The following POLR3B variants were observed in gnomAD, a reference collection of about 807,000 sequenced individuals.
POLR3B encodes RNA polymerase III subunit B, also known as DNA-directed RNA polymerase III subunit RPC2.
POLR3B carries 96 observed loss-of-function variants against 147.4 expected under a neutral mutation model. The ratio of observed to expected loss-of-function variants is 0.65; its 90% CI spans 0.55 to 0.77. The LOEUF is 0.77. Among genes scored for constraint, POLR3B ranks in the 30% least tolerant of loss-of-function variants. The pLI, the probability that POLR3B is intolerant of heterozygous loss-of-function variation, is 0.00. For missense variants in POLR3B, 1,036 were observed against 1,413.5 expected (o/e 0.73, Z 4.28); for synonymous variants, 461 against 485.9 (o/e 0.95, Z 0.67).
chr12:106,370,631 G>GTTTTTTTTTTTTTTTTTTTTTTT (rs1208633414), intron 6 of POLR3B, among the ~76,000 whole-genome samples: 1 of 126,576 alleles, frequency 7.9e-6, no homozygotes, highest in Non-Finnish European at 1.7e-5. Flanking sequence ...TTGTTTTATT[G>GTTTTTTTTTTTTTTTTTTTTTTT]TTTTTTTTTT....
intron 23 of POLR3B, among the ~76,000 whole-genome samples, chr12:106,470,238 G>C (rs762870800): frequency 2.0e-5 from 3 of 151,724 alleles, no homozygotes; most frequent in Non-Finnish European, 4.4e-5. Context: ...CCGCTTGATC[G>C]AATTGGCTAT....
At chr12:106,443,046 A>G (rs972671743) in intron 18 of POLR3B, among the ~76,000 whole-genome samples, 2 of 152,226 alleles carry the variant, frequency 1.3e-5, no homozygotes. Context: ...CCACCTATAT[A>G]ACCTCAAACT....
intron 12 of POLR3B, among the ~76,000 whole-genome samples, chr12:106,424,899 T>C (rs551241906): frequency 4.0e-4 from 61 of 152,218 alleles, no homozygotes; most frequent in Non-Finnish European, 6.3e-4. Flanking sequence ...ATCTCACCTA[T>C]TGAAATTTTC....
intron 4 of POLR3B, among the ~76,000 whole-genome samples, chr12:106,368,410 A>G (rs936569368): frequency 2.6e-5 from 4 of 152,074 alleles, no homozygotes; most frequent in African/African-American, 9.7e-5. Flanking sequence ...CATATATTAA[A>G]AACCATGCAG....
At chr12:106,369,930 G>A (rs1445135227) in intron 6 of POLR3B, among the ~76,000 whole-genome samples, 1 of 151,992 alleles carries the variant, frequency 6.6e-6, no homozygotes, top group Non-Finnish European at 1.5e-5. Flanking sequence ...TGAGCTGCTA[G>A]GGAACCACTA....
intron 1 of POLR3B, among the ~76,000 whole-genome samples, chr12:106,362,605 C>T (rs966825686): frequency 3.3e-5 from 5 of 152,096 alleles, no homozygotes; most frequent in African/African-American, 9.7e-5. Context: ...TCCCTGTGTG[C>T]ATCTCTATGT....
Position 106,479,528 on chromosome 12 carries a change from C to T in POLR3B, c.2713+15908C>T, listed in dbSNP as rs576095318. On this transcript the variant is annotated intron_variant, in intron 23 of 27. Transcript: ENST00000228347. Reference sequence around the variant, plus strand: ...CCCGAGTAGCTGGGACTACAGGTGCCCGCCACCATGCCTAGCTAATTTTTT... The same window carrying T: ...CCCGAGTAGCTGGGACTACAGGTGCTCGCCACCATGCCTAGCTAATTTTTT... Among the ~76,000 whole-genome samples the T allele has an allele frequency of 1.3e-3, 201 of 151,614 alleles. 1 individual carries two copies. The highest frequency in any genetic ancestry group is 2.3e-3 in the Non-Finnish European group (157 of 67,846).
At chr12:106,414,105 C>T (rs60745173) in intron 12 of POLR3B, among the ~76,000 whole-genome samples, 1 of 83,706 alleles carries the variant, frequency 1.2e-5, no homozygotes. Context: ...ATCTAATATG[C>T]CATTAATTAT....
intron 12 of POLR3B, among the ~76,000 whole-genome samples, chr12:106,420,636 C>G (rs554945836): frequency 3.0e-4 from 45 of 152,350 alleles, no homozygotes; most frequent in African/African-American, 1.0e-3. Flanking sequence ...AGGACCTACT[C>G]TACCAATTCG....
intron 23 of POLR3B, among the ~76,000 whole-genome samples, chr12:106,493,901 C>A (rs1266587185): frequency 6.6e-6 from 1 of 152,090 alleles, no homozygotes; most frequent in Admixed American, 6.5e-5. Flanking sequence ...TTTTCAGGGC[C>A]TGAAGTAATT....
At chr12:106,401,597 C>G (rs1253403279) in intron 10 of POLR3B, among the ~76,000 whole-genome samples, 1 of 152,164 alleles carries the variant, frequency 6.6e-6, no homozygotes, top group Admixed American at 6.5e-5. Context: ...AGCAGCACAT[C>G]AAAAAGCTTA....
chr12:106,384,168 A>G (rs938430344), intron 9 of POLR3B, among the ~76,000 whole-genome samples: 4 of 152,214 alleles, frequency 2.6e-5, no homozygotes, highest in Non-Finnish European at 5.9e-5. Context: ...GACAAACCTT[A>G]AATTTGGAAA....
At chr12:106,386,601 G>A (rs781538815) in intron 9 of POLR3B, among the ~76,000 whole-genome samples, 3 of 151,566 alleles carry the variant, frequency 2.0e-5, no homozygotes, top group Admixed American at 6.6e-5. Flanking sequence ...TTTTTGGCCC[G>A]GTGATGAGTT....
intron 16 of POLR3B, among the ~76,000 whole-genome samples, chr12:106,435,052 C>A (rs1290319008): frequency 6.6e-6 from 1 of 152,138 alleles, no homozygotes; most frequent in African/African-American, 2.4e-5. Flanking sequence ...TTTCTGGATT[C>A]TTGGAACTGC....
At chr12:106,404,100 T>G (rs544917034) in intron 10 of POLR3B, among the ~76,000 whole-genome samples, 33 of 151,296 alleles carry the variant, frequency 2.2e-4, no homozygotes, top group East Asian at 1.7e-3. Context: ...TTTGTTTTTT[T>G]TTTTTTTTGA....
At chr12:106,384,029 A>G (rs567333054) in intron 9 of POLR3B, among the ~76,000 whole-genome samples, 7 of 152,258 alleles carry the variant, frequency 4.6e-5, no homozygotes, top group Middle Eastern at 3.4e-3. Flanking sequence ...ACAGGTCCCC[A>G]TAACAGTGAA....
At chr12:106,464,379 C>T (rs773959744) in intron 23 of POLR3B, among the ~76,000 whole-genome samples, 63 of 152,138 alleles carry the variant, frequency 4.1e-4, no homozygotes, top group Admixed American at 7.2e-4. Flanking sequence ...TTTACAGGTG[C>T]TGACTCATTT....
chr12:106,436,272 A>G (rs1455033785), intron 16 of POLR3B, among the ~76,000 whole-genome samples: 1 of 152,196 alleles, frequency 6.6e-6, no homozygotes, highest in Non-Finnish European at 1.5e-5. Flanking sequence ...TTATCCAAAT[A>G]GCAACAGCCC....
chr12:106,498,305 C>T (rs548934446), intron 25 of POLR3B, among the ~76,000 whole-genome samples: 6 of 152,284 alleles, frequency 3.9e-5, no homozygotes, highest in South Asian at 4.1e-4. Context: ...GAGGCAGTAC[C>T]GGCAGCCCGA....
Sources: gnomAD v4.1 joint callset for allele counts (sites outside exome capture counted in the v4.1 genomes callset) on GRCh38, gnomAD v4.1.1 for gene constraint, MANE v1.5 for transcripts, NCBI Gene and HGNC (gene_info 2026-07-23, HGNC 2026-07-21) for gene names.